GTF3C4: variants seen among roughly 807,000 people sequenced by gnomAD.
The protein encoded by GTF3C4 is general transcription factor IIIC subunit 4, also known as general transcription factor 3C polypeptide 4.
In GTF3C4, 28 loss-of-function variants were observed where a neutral mutation model predicts 67.5. That is an observed-to-expected ratio of 0.41 (90% CI 0.31 to 0.57). The LOEUF (loss-of-function observed/expected upper bound fraction) is 0.57. Ranked by LOEUF, GTF3C4 falls within the 20% of genes least tolerant of loss-of-function variation. The probability of loss-of-function intolerance (pLI) is 0.21; values close to 1 mark genes in which losing one functional copy is unlikely to be tolerated. For synonymous variants in GTF3C4, 409 were observed against 393.0 expected, an observed-to-expected ratio of 1.04 and a Z score of -0.48; for missense variants, 831 against 1,033.2, an observed-to-expected ratio of 0.80 and a Z score of 2.68.
rs1216063469 is a variant in GTF3C4, at chr9:132,690,696, A to G, written c.*1751A>G. ...GTTTATCCACTATTGATTTTCAAGA[A>G]AGAAACCAAGCAGCATTGAAATCAT... On this transcript the variant is annotated 3_prime_UTR_variant, in exon 5 of 5. Transcript: ENST00000372146. 6.6e-6 allele frequency: 1 copy of G among 152,234 alleles called. No homozygotes were observed. The highest frequency in any genetic ancestry group is 1.5e-5 in the Non-Finnish European group (1 of 68,048). The allele number at this position is 152,234 out of a possible 1,614,324, so 9.4% of individuals were successfully genotyped here.
chr9:132,670,578 G>A lies in GTF3C4; in HGVS notation c.-21G>A. 1 of 1,410,206 alleles carries A rather than the reference G, an allele frequency of 7.1e-7. No individual in the cohort carries two copies. Among genetic ancestry groups the A allele is most frequent in the Non-Finnish European group, 9.2e-7 (1 of 1,083,262 alleles). 87.4% of individuals were successfully genotyped at this position (1,410,206 alleles called of 1,614,324 possible). A position where few individuals can be genotyped will look rare whatever the true frequency, so the allele number is the denominator to read the frequency against. ...GACTGCGTGGAGCGCCAGGGCGTCC[G>A]ACCTCTGCACCTGAGAGAAGATGAA... On this transcript the variant is annotated 5_prime_UTR_variant, in exon 1 of 5. Coordinates refer to ENST00000372146, the MANE Select transcript of GTF3C4 (RefSeq NM_012204.4).
rs72145516 is a variant in GTF3C4, at chr9:132,675,895, C to CTTTTTTTTTT, written c.358-2070_358-2061dup. Among the ~76,000 whole-genome samples the CTTTTTTTTTT allele has an allele frequency of 3.0e-4, 27 of 89,032 alleles. 1 individual carries two copies. Among genetic ancestry groups the CTTTTTTTTTT allele is most frequent in the East Asian group, 7.5e-4 (2 of 2,668 alleles). The allele number at this position is 89,032 out of a possible 152,430, so 58.4% of individuals were successfully genotyped here. ...ATAAGAATAGACTATTCCAGTTACC[C>CTTTTTTTTTT]TTTTTTTTTTTTTTTTTTTTTGAGA... On this transcript the variant is annotated intron_variant, in intron 1 of 4. Transcript: ENST00000372146.
chr9:132,691,098 A>T lies in GTF3C4; in HGVS notation c.*2153A>T, dbSNP rs905354729. The T allele has an allele frequency of 3.3e-5, 5 of 152,110 alleles. No individual in the cohort carries two copies. Among genetic ancestry groups the T allele is most frequent in the African/African-American group, 1.2e-4 (5 of 41,408 alleles). 9.4% of individuals were successfully genotyped at this position (152,110 alleles called of 1,614,324 possible). ...GACTGGACCCAATGGCATTGTTAAG[A>T]CCCTAAAATCTAGCCACCACCTGCC... On this transcript the variant is annotated 3_prime_UTR_variant, in exon 5 of 5. Coordinates refer to ENST00000372146, the MANE Select transcript of GTF3C4 (RefSeq NM_012204.4).
At chr9:132,673,409 G>A (rs1046438977) in intron 1 of GTF3C4, among the ~76,000 whole-genome samples, 1 of 125,102 alleles carries the variant, frequency 8.0e-6, no homozygotes. Context: ...TTCCCCTTCT[G>A]TACTGTTGTT....
chr9:132,670,830 G>C lies in GTF3C4; in HGVS notation c.232G>C (p.Val78Leu). ...EPLAWSEDHR[V>L]SVSTARSIAV... is the part of the protein sequence containing the mutation. Reference sequence around the variant, plus strand: ...GCTGGCTTGGTCCGAGGACCACCGCGTGTCTGTGTCCACGGCCCGCAGCAT... The same window carrying C: ...GCTGGCTTGGTCCGAGGACCACCGCCTGTCTGTGTCCACGGCCCGCAGCAT... Residue 78 changes from valine to leucine, a missense_variant, in exon 1 of 5, where the codon GTG becomes CTG. Val to Leu is a conservative substitution (Grantham distance 32). Coordinates refer to ENST00000372146, the MANE Select transcript of GTF3C4 (RefSeq NM_012204.4). The C allele has an allele frequency of 6.2e-7, 1 of 1,609,330 alleles. No homozygotes were observed. Among genetic ancestry groups the C allele is most frequent in the South Asian group, 1.1e-5 (1 of 90,846 alleles).
intron 4 of GTF3C4, among the ~76,000 whole-genome samples, chr9:132,688,314 T>C (rs890484083): frequency 3.3e-5 from 5 of 152,250 alleles, no homozygotes; most frequent in African/African-American, 1.2e-4. Context: ...ATATGCTGCT[T>C]AGGCAGGAAA....
intron 1 of GTF3C4, among the ~76,000 whole-genome samples, chr9:132,672,180 G>A (rs192513644): frequency 6.6e-5 from 10 of 152,334 alleles, no homozygotes; most frequent in Admixed American, 3.3e-4. Context: ...AATACAAAAG[G>A]AGGGAGGCAG....
At position 132,691,488 on chromosome 9, in the gene GTF3C4, G is replaced by A. The variant is rs949573575; in HGVS notation, c.*2543G>A. On this transcript the variant is annotated 3_prime_UTR_variant, in exon 5 of 5. Transcript: ENST00000372146. ...GAGAAATAGTGGAAGTGCTATTGCCGCGCTGCATGTAAAGCACAGGAGCAA... is the reference window on the plus strand; with the variant it reads ...GAGAAATAGTGGAAGTGCTATTGCCACGCTGCATGTAAAGCACAGGAGCAA... 2.6e-5 allele frequency: 4 copies of A among 152,194 alleles called. No individual in the cohort carries two copies. Among genetic ancestry groups the A allele is most frequent in the East Asian group, 1.9e-4 (1 of 5,200 alleles). 9.4% of individuals were successfully genotyped at this position (152,194 alleles called of 1,614,324 possible).
At chr9:132,673,286 C>T (rs368504389) in intron 1 of GTF3C4, among the ~76,000 whole-genome samples, 1 of 152,158 alleles carries the variant, frequency 6.6e-6, no homozygotes, top group African/African-American at 2.4e-5. Flanking sequence ...AAAATTTTGA[C>T]TGTCATTTTG....
In GTF3C4 at chr9:132,670,730, C is replaced by A; in HGVS notation, c.132C>A (p.Ser44Arg). 2 of 1,539,264 alleles carry A rather than the reference C, an allele frequency of 1.3e-6. No homozygotes were observed. Among genetic ancestry groups the A allele is most frequent in the Non-Finnish European group, 1.7e-6 (2 of 1,149,554 alleles). Residue 44 changes from serine to arginine, a missense_variant, in exon 1 of 5, where the codon AGC (serine) becomes AGA (arginine). This residue lies in a region of GTF3C4 where 237 missense variants were observed against 212.7 expected (regional missense o/e 1.11). Coordinates refer to ENST00000372146, the MANE Select transcript of GTF3C4 (RefSeq NM_012204.4). ...CAGCGGACGCGGCCCCGGGGCCCAGCGCTGCATTCCGCCTCATGGTGACTC... is the reference window on the plus strand; with the variant it reads ...CAGCGGACGCGGCCCCGGGGCCCAGAGCTGCATTCCGCCTCATGGTGACTC... ...EPAADAAPGP[S>R]AAFRLMVTRR...
rs1244103605 is a variant in GTF3C4 at position 132,690,922 on chromosome 9, C to A, written c.*1977C>A. 2.0e-5 allele frequency: 3 copies of A among 152,138 alleles called. No individual in the cohort carries two copies. The highest frequency in any genetic ancestry group is 1.5e-5 in the Non-Finnish European group (1 of 68,028). 9.4% of individuals were successfully genotyped at this position (152,138 alleles called of 1,614,324 possible). ...CTTACTAGGGAATTTTGGACTGCTG[C>A]CATTTAAAACTTAGGTTTTTATTTA... is the stretch of plus-strand genomic sequence containing the variant. On this transcript the variant is annotated 3_prime_UTR_variant, in exon 5 of 5. Transcript: ENST00000372146.
At position 132,693,750 on chromosome 9, in the gene GTF3C4, A is replaced by G. The variant is rs1836155012; in HGVS notation, c.*4805A>G. The G allele has an allele frequency of 6.6e-6, 1 of 152,192 alleles. No individual in the cohort carries two copies. The highest frequency in any genetic ancestry group is 2.4e-5 in the African/African-American group (1 of 41,448). 9.4% of individuals were successfully genotyped at this position (152,192 alleles called of 1,614,324 possible). A position where few individuals can be genotyped will look rare whatever the true frequency, so the allele number is the denominator to read the frequency against. ...TTACCAGTTTACATTTGGCTAGCAG[A>G]CTGGTAAGGTTTAGGGTTCTCTCCA... On this transcript the variant is annotated 3_prime_UTR_variant, in exon 5 of 5. Transcript: ENST00000372146.
rs1446432624 is a variant in GTF3C4 at position 132,680,984 on chromosome 9, TG to T, written c.2184+1182del. On this transcript the variant is annotated intron_variant, in intron 2 of 4. Transcript: ENST00000372146. ...TTAGCCGGGTGTGGTGGCGGGCGCC[TG>T]TAATCCCAGCTACTTGGGAGGCTGA... is the stretch of plus-strand genomic sequence containing the variant. Among the ~76,000 whole-genome samples the T allele has an allele frequency of 2.0e-5, 3 of 152,288 alleles. No homozygotes were observed. In the East Asian group the frequency reaches 5.8e-4, roughly 29 times the overall value.
rs1361396747 is a variant in GTF3C4, at chr9:132,687,251, C to T, written c.2328C>T (p.Thr776=). 6.2e-7 allele frequency: 1 copy of T among 1,600,854 alleles called. No homozygotes were observed. The highest frequency in any genetic ancestry group is 8.6e-7 in the Non-Finnish European group (1 of 1,168,840). The stretch of plus-strand genomic sequence containing the variant: ...TGTCTTCTTTCAGGTGCTTCTTAAC[C>T]TACCAGTCCTGCCAGAGTTTGATAT... ...NGHIWLRCFL[T]YQSCQSLIYR... Residue 776 remains threonine, a synonymous_variant, in exon 4 of 5, where the codon ACC becomes ACT. Coordinates refer to ENST00000372146, the MANE Select transcript of GTF3C4 (RefSeq NM_012204.4).
Position 132,678,633 on chromosome 9 carries a change from A to T in GTF3C4, c.1014A>T (p.Gly338=). Residue 338 remains glycine, a synonymous_variant, in exon 2 of 5, where the codon GGA becomes GGT. Transcript: ENST00000372146. This position sits in a 1 kb window ranked among gnomAD's most constrained non-coding sequence, Gnocchi z 6.5. ...MSGLIVGSAF[G]PIKILPVNLK... ...GCCTTATTGTGGGGAGTGCTTTTGGACCCATAAAAATTCTTCCTGTCAATC... is the reference window on the plus strand; with the variant it reads ...GCCTTATTGTGGGGAGTGCTTTTGGTCCCATAAAAATTCTTCCTGTCAATC... The T allele has an allele frequency of 6.2e-7, 1 of 1,614,048 alleles. No individual in the cohort carries two copies.
At chr9:132,676,028 C>T (rs1012382682) in intron 1 of GTF3C4, among the ~76,000 whole-genome samples, 2 of 149,132 alleles carry the variant, frequency 1.3e-5, no homozygotes, top group South Asian at 2.1e-4. Flanking sequence ...CCTCCTGAGT[C>T]GCTGGGACTA....
intron 1 of GTF3C4, among the ~76,000 whole-genome samples, chr9:132,677,538 G>T (rs779364190): frequency 4.6e-5 from 7 of 152,230 alleles, no homozygotes; most frequent in Admixed American, 6.5e-5. Flanking sequence ...AGGCAAGGGA[G>T]CCGGGGAAAG....
chr9:132,688,882 TC>T lies in GTF3C4; in HGVS notation c.2409del (p.Asp804ThrfsTer21). The T allele has an allele frequency of 6.2e-7, 1 of 1,610,424 alleles. No homozygotes were observed. Among genetic ancestry groups the T allele is most frequent in the Non-Finnish European group, 8.5e-7 (1 of 1,176,566 alleles). ...ATACCACTTGTCCTCCTTTTGCAGA[TC>T]CCGACTGGATTAAGAGGTTACTGCA... ...SIARHPAPED[P>X]DWIKRLLQSP... On this transcript the variant is annotated frameshift_variant and splice_region_variant, in exon 5 of 5. Coordinates refer to ENST00000372146, the MANE Select transcript of GTF3C4 (RefSeq NM_012204.4). LOFTEE classifies it high-confidence loss of function.
At chr9:132,683,426 C>G (rs924002989) in intron 2 of GTF3C4, 137 bp from the exon 3 acceptor site, 1 of 707,872 alleles carries the variant, frequency 1.4e-6, no homozygotes, top group Non-Finnish European at 2.3e-6. Context: ...TGTGGAAATG[C>G]AAATCTCCTG....
Sources: gnomAD v4.1 joint callset for allele counts (sites outside exome capture counted in the v4.1 genomes callset) on GRCh38, gnomAD v4.1.1 for gene constraint, gnomAD v4.1.1 regional missense constraint, Gnocchi (gnomAD v3.1) non-coding constraint, MANE v1.5 for transcripts, NCBI Gene and HGNC (gene_info 2026-07-23, HGNC 2026-07-21) for gene names.